Variants in ZMYM4 observed in about 807,000 individuals in gnomAD.
ZMYM4 encodes zinc finger MYM-type protein 4.
Under a neutral mutation model 183.2 loss-of-function variants are expected in ZMYM4, and 31 were observed. The ratio of observed to expected loss-of-function variants is 0.17; its 90% CI spans 0.13 to 0.23. The LOEUF is 0.23. Ranked by LOEUF, ZMYM4 falls within the 10% of genes least tolerant of loss-of-function variation. The probability of loss-of-function intolerance (pLI) is 1.00; values close to 1 mark genes in which losing one functional copy is unlikely to be tolerated. For missense variants in ZMYM4, 1,273 were observed against 1,840.3 expected (o/e 0.69, Z 5.64); for synonymous variants, 592 against 631.2 (o/e 0.94, Z 0.93).
intron 15 of ZMYM4, among the ~76,000 whole-genome samples, chr1:35,391,652 G>C (rs1644707774): frequency 6.6e-6 from 1 of 152,188 alleles, no homozygotes; most frequent in South Asian, 2.1e-4. Flanking sequence ...TTGAGGATTT[G>C]CATTGTTGGT....
At chr1:35,293,139 T>A (rs937729546) in intron 1 of ZMYM4, among the ~76,000 whole-genome samples, 26 of 151,854 alleles carry the variant, frequency 1.7e-4, no homozygotes, top group African/African-American at 5.8e-4. Flanking sequence ...TAGCTGGGAC[T>A]ATAGGTACCT....
At chr1:35,363,710 A>G (rs768865647) in intron 5 of ZMYM4, among the ~76,000 whole-genome samples, 1 of 152,230 alleles carries the variant, frequency 6.6e-6, no homozygotes, top group Non-Finnish European at 1.5e-5. Flanking sequence ...TTCTATTTAA[A>G]TAGAAGGTAA....
At chr1:35,340,331 A>G (rs1317290281) in intron 2 of ZMYM4, among the ~76,000 whole-genome samples, 1 of 152,114 alleles carries the variant, frequency 6.6e-6, no homozygotes, top group African/African-American at 2.4e-5. Context: ...TTTGTGGAAG[A>G]TAGCTTTTCC....
intron 1 of ZMYM4, among the ~76,000 whole-genome samples, chr1:35,286,769 A>G (rs1640511474): frequency 8.5e-6 from 1 of 118,318 alleles, no homozygotes; most frequent in African/African-American, 3.4e-5. Flanking sequence ...GGCTATTTAA[A>G]TAATTTTTTT....
chr1:35,276,282 T>TCTTTCTTCCCTC (rs1639872272), intron 1 of ZMYM4, among the ~76,000 whole-genome samples: 1 of 128,914 alleles, frequency 7.8e-6, no homozygotes, highest in Non-Finnish European at 1.6e-5. Context: ...CTCCCTCCCT[T>TCTTTCTTCCCTC]CTTTCTTCCC....
At chr1:35,289,356 GAT>G (rs1260606949) in intron 1 of ZMYM4, among the ~76,000 whole-genome samples, 1 of 151,824 alleles carries the variant, frequency 6.6e-6, no homozygotes, top group Non-Finnish European at 1.5e-5. Flanking sequence ...AATTGGTTGG[GAT>G]ATATTTTGGA....
chr1:35,333,464 CCAAGGTGGTCT>C (rs1378210997), intron 2 of ZMYM4, among the ~76,000 whole-genome samples: 2 of 152,024 alleles, frequency 1.3e-5, no homozygotes, highest in Non-Finnish European at 2.9e-5. Context: ...ACCATGTTGG[CCAAGGTGGTCT>C]CAAGCTCCCG....
At chr1:35,326,321 CAAGT>C (rs1372467893) in intron 2 of ZMYM4, among the ~76,000 whole-genome samples, 1 of 151,956 alleles carries the variant, frequency 6.6e-6, no homozygotes, top group African/African-American at 2.4e-5. Context: ...TTAATAAAAA[CAAGT>C]AAGATAATTA....
At chr1:35,300,841 C>G (rs1303689281) in intron 1 of ZMYM4, among the ~76,000 whole-genome samples, 19 of 152,186 alleles carry the variant, frequency 1.2e-4, no homozygotes, top group Admixed American at 1.2e-3. Flanking sequence ...TTTTAATGGT[C>G]TACTAGTTTT....
chr1:35,339,364 A>C (rs769228269), intron 2 of ZMYM4, among the ~76,000 whole-genome samples: 58 of 152,020 alleles, frequency 3.8e-4, no homozygotes, highest in Non-Finnish European at 8.4e-4. Flanking sequence ...CCTCCTGAGT[A>C]GCTGGGATTA....
Position 35,359,196 on chromosome 1 carries a change from G to A in ZMYM4, c.357G>A (p.Gln119=). The A allele has an allele frequency of 6.2e-7, 1 of 1,613,196 alleles. No homozygotes were observed. Among genetic ancestry groups the A allele is most frequent in the South Asian group, 1.1e-5 (1 of 90,938 alleles). ...TGGAAGTAGAGAGAAGAGTCACACA[G>A]CATGAATCAGACAATGAAAATGAAA... The part of the protein sequence containing the change: ...DSLEVERRVT[Q]HESDNENEIQ... Residue 119 remains glutamine, a synonymous_variant, in exon 3 of 30, where the codon CAG becomes CAA. Coordinates refer to ENST00000314607, the MANE Select transcript of ZMYM4 (RefSeq NM_005095.3).
intron 7 of ZMYM4, among the ~76,000 whole-genome samples, chr1:35,379,408 C>G (rs902541567): frequency 1.3e-5 from 2 of 152,146 alleles, no homozygotes; most frequent in Non-Finnish European, 2.9e-5. Flanking sequence ...CTAAGTTTTG[C>G]ATTTTTTAGT....
At chr1:35,373,544 A>ATTTT (rs202022428) in intron 7 of ZMYM4, among the ~76,000 whole-genome samples, 2 of 122,832 alleles carry the variant, frequency 1.6e-5, no homozygotes, top group African/African-American at 3.1e-5. Flanking sequence ...TGCACAGCTA[A>ATTTT]TTTTTTTTTT....
chr1:35,383,259 GGGTCCATAGTA>G (rs1289255981), intron 9 of ZMYM4, among the ~76,000 whole-genome samples: 10 of 151,988 alleles, frequency 6.6e-5, no homozygotes, highest in Non-Finnish European at 1.2e-4. Flanking sequence ...TAATTTTTGT[GGGTCCATAGTA>G]GGTGTATATA....
intron 1 of ZMYM4, among the ~76,000 whole-genome samples, chr1:35,293,356 G>C (rs749855177): frequency 6.6e-6 from 1 of 151,816 alleles, no homozygotes; most frequent in Non-Finnish European, 1.5e-5. Flanking sequence ...CTCTGTCACC[G>C]AGGCTGGAGT....
chr1:35,377,999 CTTT>C (rs1288984109), intron 7 of ZMYM4, among the ~76,000 whole-genome samples: 1 of 152,192 alleles, frequency 6.6e-6, no homozygotes, highest in Non-Finnish European at 1.5e-5. Flanking sequence ...ACTTTAAATC[CTTT>C]GGTGTCATTT....
chr1:35,317,104 A>G (rs1000485766), intron 1 of ZMYM4, among the ~76,000 whole-genome samples: 4 of 149,226 alleles, frequency 2.7e-5, no homozygotes, highest in African/African-American at 5.0e-5. Flanking sequence ...CCTGGGGGAC[A>G]AGAGCGAGAC....
intron 23 of ZMYM4, among the ~76,000 whole-genome samples, chr1:35,401,695 G>T (rs1191708363): frequency 2.0e-5 from 3 of 152,086 alleles, no homozygotes; most frequent in Non-Finnish European, 2.9e-5. Context: ...CTAACTCATA[G>T]TAACTAAGAC....
rs1283600326 is a variant in ZMYM4, at chr1:35,399,471, GATT to G, written c.3434-5_3434-3del. 1 of 1,612,288 alleles carries G rather than the reference GATT, an allele frequency of 6.2e-7. No homozygotes were observed. Among genetic ancestry groups the G allele is most frequent in the African/African-American group, 1.3e-5 (1 of 74,820 alleles). On this transcript the variant is annotated splice_polypyrimidine_tract_variant and splice_region_variant and intron_variant, in intron 22 of 29. Coordinates refer to ENST00000314607, the MANE Select transcript of ZMYM4 (RefSeq NM_005095.3). Reference sequence around the variant, plus strand: ...TTTACCTCATGTTGTCCTTTCTGCTGATTATTATAGACTCCTTTGACCCACTTA... The same window carrying G: ...TTTACCTCATGTTGTCCTTTCTGCTGATTATAGACTCCTTTGACCCACTTA...
Sources: gnomAD v4.1 joint callset for allele counts (sites outside exome capture counted in the v4.1 genomes callset) on GRCh38, gnomAD v4.1.1 for gene constraint, MANE v1.5 for transcripts, NCBI Gene and HGNC (gene_info 2026-07-23, HGNC 2026-07-21) for gene names.